The following DCC variants were observed in gnomAD, a reference collection of about 807,000 sequenced individuals.
The protein encoded by DCC is DCC netrin 1 receptor.
In DCC, 58 loss-of-function variants were observed where a neutral mutation model predicts 172.5. The observed-to-expected ratio is 0.34, with a 90% CI of 0.27 to 0.42. The LOEUF (loss-of-function observed/expected upper bound fraction) is 0.42. Ranked by LOEUF, DCC falls within the 10% of genes least tolerant of loss-of-function variation. The pLI, the probability that DCC is intolerant of heterozygous loss-of-function variation, is 1.00. For missense variants in DCC, 1,740 were observed against 1,791.0 expected, an observed-to-expected ratio of 0.97 and a Z score of 0.51; for synonymous variants, 709 against 644.5, an observed-to-expected ratio of 1.10 and a Z score of -1.52.
rs1269110522 is a variant in DCC, at chr18:53,428,391, A to AATATAATATAATATATTACAT, written c.3164-6721_3164-6701dup. The stretch of plus-strand genomic sequence containing the variant: ...TATAATATTATAATATATTGTATAT[A>AATATAATATAATATATTACAT]ATATAATATAATATATTACATATAT... On this transcript the variant is annotated intron_variant, in intron 21 of 28. Coordinates refer to ENST00000442544, the MANE Select transcript of DCC (RefSeq NM_005215.4). 1.5e-3 allele frequency among the ~76,000 whole-genome samples: 77 copies of AATATAATATAATATATTACAT among 51,622 alleles called. 2 individuals carry two copies. The highest frequency in any genetic ancestry group is 4.3e-3 in the African/African-American group (72 of 16,932). 33.9% of individuals were successfully genotyped at this position (51,622 alleles called of 152,430 possible).
At chr18:53,326,938 TTACCCCC>T (rs2057474482) in intron 14 of DCC, among the ~76,000 whole-genome samples, 1 of 152,202 alleles carries the variant, frequency 6.6e-6, no homozygotes. Context: ...GTTGTATAAC[TTACCCCC>T]CTGCTTCAGA....
rs1477617781 is a variant in DCC, at chr18:53,386,023, T to C, written c.2360-20T>C. On this transcript the variant is annotated intron_variant, in intron 15 of 28. Coordinates refer to ENST00000442544, the MANE Select transcript of DCC (RefSeq NM_005215.4). ...ATTAAATATATCAACACGTTCATAT[T>C]GTTTCTGTTTTTTCTCCAGAGTCAA... is the stretch of plus-strand genomic sequence containing the variant. 6.1e-6 allele frequency: 9 copies of C among 1,487,474 alleles called. No individual in the cohort carries two copies. Among genetic ancestry groups the C allele is most frequent in the Non-Finnish European group, 8.5e-6 (9 of 1,064,594 alleles). The allele number at this position is 1,487,474 out of a possible 1,614,324, so 92.1% of individuals were successfully genotyped here. A position where few individuals can be genotyped will look rare whatever the true frequency, so the allele number is the denominator to read the frequency against.
intron 2 of DCC, among the ~76,000 whole-genome samples, chr18:52,894,930 C>T (rs1431092922): frequency 2.0e-5 from 3 of 152,090 alleles, no homozygotes; most frequent in Non-Finnish European, 4.4e-5. Flanking sequence ...TAATGTTTGG[C>T]CAAAAGGCTG....
At chr18:52,855,441 A>T (rs1425342993) in intron 2 of DCC, among the ~76,000 whole-genome samples, 1 of 152,234 alleles carries the variant, frequency 6.6e-6, no homozygotes, top group Admixed American at 6.5e-5. Flanking sequence ...ATGCTGTTTT[A>T]ATTAATAACA....
Position 52,487,703 on chromosome 18 carries a change from G to A in DCC, c.91+146825G>A, listed in dbSNP as rs150819231. Among the ~76,000 whole-genome samples, 688 of 151,374 alleles carry A rather than the reference G, an allele frequency of 4.5e-3. 8 individuals carry two copies. The highest frequency in any genetic ancestry group is 0.016 in the African/African-American group (666 of 41,252). ...GTGTATGCCTGCAGTCCCAGCTACT[G>A]GGGAGGCTGAGGCATAAGGATGGTT... On this transcript the variant is annotated intron_variant, in intron 1 of 28. Transcript: ENST00000442544.
chr18:53,267,778 T>C (rs1446108812), intron 12 of DCC, among the ~76,000 whole-genome samples: 2 of 152,186 alleles, frequency 1.3e-5, no homozygotes, highest in Non-Finnish European at 1.5e-5. Flanking sequence ...ATATTCGTTA[T>C]TGTTAATGAG....
At chr18:53,440,914 G>A (rs1031347335) in intron 22 of DCC, among the ~76,000 whole-genome samples, 1 of 152,212 alleles carries the variant, frequency 6.6e-6, no homozygotes, top group Non-Finnish European at 1.5e-5. Context: ...CCTAGAAACT[G>A]TTAAGCTAGA....
At chr18:52,729,639 T>A (rs1246736514) in intron 1 of DCC, among the ~76,000 whole-genome samples, 1 of 152,238 alleles carries the variant, frequency 6.6e-6, no homozygotes, top group Non-Finnish European at 1.5e-5. Context: ...CACACCAAAT[T>A]ATTTCTTCTT....
intron 8 of DCC, among the ~76,000 whole-genome samples, chr18:53,162,406 T>C (rs1598862672): frequency 6.6e-6 from 1 of 152,104 alleles, no homozygotes; most frequent in East Asian, 1.9e-4. Context: ...ATTGCAGTAA[T>C]CTCCTAATTC....
intron 12 of DCC, among the ~76,000 whole-genome samples, chr18:53,261,492 A>C (rs1261739637): frequency 6.6e-6 from 1 of 152,146 alleles, no homozygotes; most frequent in Non-Finnish European, 1.5e-5. Context: ...TCTGTCAGTC[A>C]GATCACCACA....
At chr18:52,856,227 A>G (rs1457241293) in intron 2 of DCC, among the ~76,000 whole-genome samples, 1 of 152,194 alleles carries the variant, frequency 6.6e-6, no homozygotes, top group East Asian at 1.9e-4. Context: ...ACGTGTGTGT[A>G]TGTATATGTG....
At chr18:52,638,743 A>G (rs2034832284) in intron 1 of DCC, among the ~76,000 whole-genome samples, 1 of 152,144 alleles carries the variant, frequency 6.6e-6, no homozygotes, top group African/African-American at 2.4e-5. Flanking sequence ...GATAGACAGC[A>G]ACACAGTAAT....
chr18:53,008,504 G>A (rs998059158), intron 5 of DCC, among the ~76,000 whole-genome samples: 9 of 151,946 alleles, frequency 5.9e-5, no homozygotes, highest in Non-Finnish European at 2.9e-5. Flanking sequence ...TCTACGTAAC[G>A]GGTTCTTGCA....
intron 1 of DCC, among the ~76,000 whole-genome samples, chr18:52,424,864 T>A (rs1053167826): frequency 3.3e-5 from 5 of 151,772 alleles, no homozygotes; most frequent in African/African-American, 1.2e-4. Context: ...CTTATTTATG[T>A]TATATTTCTT....
At chr18:53,310,181 C>T (rs988889020) in intron 13 of DCC, among the ~76,000 whole-genome samples, 17 of 151,890 alleles carry the variant, frequency 1.1e-4, no homozygotes, top group African/African-American at 4.1e-4. Flanking sequence ...AACCAGGGAG[C>T]GCTACATACT....
chr18:52,771,358 G>A (rs2037339881), intron 2 of DCC, among the ~76,000 whole-genome samples: 1 of 152,142 alleles, frequency 6.6e-6, no homozygotes, highest in Non-Finnish European at 1.5e-5. Context: ...AATTAAAAGG[G>A]AATATGCCTG....
chr18:52,501,703 C>T (rs1401531791), intron 1 of DCC, among the ~76,000 whole-genome samples: 1 of 152,070 alleles, frequency 6.6e-6, no homozygotes, highest in Non-Finnish European at 1.5e-5. Flanking sequence ...CCTCTGAGGT[C>T]CCTTTCTCTT....
chr18:53,271,228 T>C (rs1432436082), intron 12 of DCC, among the ~76,000 whole-genome samples: 1 of 152,204 alleles, frequency 6.6e-6, no homozygotes, highest in Non-Finnish European at 1.5e-5. Context: ...AAGTGGTCTC[T>C]GACCATAGAT....
At chr18:53,382,808 T>A (rs1907870257) in intron 15 of DCC, among the ~76,000 whole-genome samples, 1 of 152,132 alleles carries the variant, frequency 6.6e-6, no homozygotes. Context: ...TATAATCTTA[T>A]TTTATTCTTC....
Sources: allele counts gnomAD v4.1 joint callset (sites outside exome capture counted in the v4.1 genomes callset), GRCh38; gene constraint gnomAD v4.1.1; transcripts MANE v1.5; gene names NCBI Gene and HGNC (gene_info 2026-07-23, HGNC 2026-07-21).